Variants in DAB1 observed in about 807,000 individuals in gnomAD.
The protein encoded by DAB1 is disabled homolog 1.
In DAB1, 15 loss-of-function variants were observed where a neutral mutation model predicts 64.6. The observed-to-expected ratio is 0.23, with a 90% CI of 0.16 to 0.36. The LOEUF (loss-of-function observed/expected upper bound fraction) is 0.36, where lower values mean the gene tolerates loss of function less well. DAB1 is among the 10% of genes least tolerant of loss of function. The probability of loss-of-function intolerance (pLI) is 1.00; values close to 1 mark genes in which losing one functional copy is unlikely to be tolerated. For synonymous variants in DAB1, 235 were observed against 251.9 expected (o/e 0.93, Z 0.64); for missense variants, 596 against 706.7 (o/e 0.84, Z 1.78).
At chr1:57,456,910 C>A (rs1686616875) in intron 7 of DAB1, among the ~76,000 whole-genome samples, 1 of 152,088 alleles carries the variant, frequency 6.6e-6, no homozygotes, top group African/African-American at 2.4e-5. Context: ...CTCAGAATGC[C>A]ATTTCTAACC....
chr1:57,603,173 A>G (rs1645595956), intron 7 of DAB1, among the ~76,000 whole-genome samples: 1 of 152,044 alleles, frequency 6.6e-6, no homozygotes, highest in South Asian at 2.1e-4. Flanking sequence ...GGGTTTCTCC[A>G]TGTTGGTCAG....
chr1:57,701,087 C>G (rs919038678), intron 6 of DAB1, among the ~76,000 whole-genome samples: 1 of 151,976 alleles, frequency 6.6e-6, no homozygotes, highest in African/African-American at 2.4e-5. Context: ...GAAACAGGAA[C>G]ACTTTTACAC....
At chr1:58,426,958 G>A (rs572577828) in intron 3 of DAB1, among the ~76,000 whole-genome samples, 1 of 152,300 alleles carries the variant, frequency 6.6e-6, no homozygotes, top group South Asian at 2.1e-4. Flanking sequence ...GTTTGAGCAA[G>A]ACATTGAAAG....
intron 6 of DAB1, among the ~76,000 whole-genome samples, chr1:57,775,530 A>C (rs1289650190): frequency 6.6e-6 from 1 of 151,186 alleles, no homozygotes; most frequent in Non-Finnish European, 1.5e-5. Flanking sequence ...GACATGTTTT[A>C]GTTGGTATTT....
chr1:58,250,060 G>A lies in DAB1; in HGVS notation n.309+93292C>T, dbSNP rs541718253. 1.2e-3 allele frequency among the ~76,000 whole-genome samples: 178 copies of A among 152,264 alleles called. 3 individuals are homozygous for A. The South Asian group carries it at 0.012, about 10-fold the overall frequency. On this transcript the variant is annotated intron_variant and non_coding_transcript_variant, in intron 4 of 20. Transcript: ENST00000485760. ...TTCCCACCCAGGAGGCTCCCTCGCG[G>A]CCGCGAGAGCTCGGCGCCCGACCCA...
At chr1:57,559,125 C>A (rs1464508131) in intron 7 of DAB1, among the ~76,000 whole-genome samples, 1 of 152,168 alleles carries the variant, frequency 6.6e-6, no homozygotes, top group Non-Finnish European at 1.5e-5. Flanking sequence ...TAATGGACAG[C>A]AGAGGCAAAG....
At chr1:58,434,950 A>T (rs991292107) in intron 3 of DAB1, among the ~76,000 whole-genome samples, 17 of 152,232 alleles carry the variant, frequency 1.1e-4, no homozygotes, top group African/African-American at 3.6e-4. Flanking sequence ...CTTCCAGTGA[A>T]GGAGCCTTAG....
At position 58,265,709 on chromosome 1, in the gene DAB1, T is replaced by C. The variant is rs77898035; in HGVS notation, n.309+77643A>G. Among the ~76,000 whole-genome samples the C allele has an allele frequency of 1.8e-3, 273 of 152,360 alleles. 1 individual carries two copies. The highest frequency in any genetic ancestry group is 3.5e-3 in the Admixed American group (54 of 15,308). ...ATCTATATCTTGACAGCAATGTCCATACTACTTTGAATGGGAGAAAAAAGG... is the reference window on the plus strand; with the variant it reads ...ATCTATATCTTGACAGCAATGTCCACACTACTTTGAATGGGAGAAAAAAGG... On this transcript the variant is annotated intron_variant and non_coding_transcript_variant, in intron 4 of 20. Coordinates refer to the DAB1 transcript ENST00000485760.
intron 3 of DAB1, among the ~76,000 whole-genome samples, chr1:58,381,803 T>C (rs950025930): frequency 4.6e-5 from 7 of 152,140 alleles, no homozygotes; most frequent in African/African-American, 2.4e-5. Context: ...AGTTGGACAA[T>C]ACAAGTCTGA....
chr1:57,510,839 T>A lies in DAB1; in HGVS notation n.625+138753A>T, dbSNP rs951096162. 2.6e-5 allele frequency among the ~76,000 whole-genome samples: 4 copies of A among 152,280 alleles called. No homozygotes were observed. The South Asian group carries it at 8.3e-4, about 32-fold the overall frequency. ...TGTCACCCAGGCTAGAATGCAGTGA[T>A]GTGGTCACGGCTCACTGCATCCTCG... On this transcript the variant is annotated intron_variant and non_coding_transcript_variant, in intron 7 of 20. Coordinates refer to the DAB1 transcript ENST00000485760.
rs869204611 is a variant in DAB1 at position 58,180,281 on chromosome 1, C to CTT, written n.310-29695_310-29694dup. ...CTTTCTTTTTTCTTTTTTTTCTTTTCTTTTTTTTTTTTTTTTTTTTTTTTT... is the reference window on the plus strand; with the variant it reads ...CTTTCTTTTTTCTTTTTTTTCTTTTCTTTTTTTTTTTTTTTTTTTTTTTTTTT... On this transcript the variant is annotated intron_variant and non_coding_transcript_variant, in intron 4 of 20. Coordinates refer to the DAB1 transcript ENST00000485760. Among the ~76,000 whole-genome samples the CTT allele has an allele frequency of 4.9e-4, 30 of 61,032 alleles. 3 individuals carry two copies. The highest frequency in any genetic ancestry group is 1.7e-3 in the African/African-American group (24 of 14,088). The allele number at this position is 61,032 out of a possible 152,430, so 40.0% of individuals were successfully genotyped here.
intron 4 of DAB1, among the ~76,000 whole-genome samples, chr1:58,301,416 T>C (rs1283613537): frequency 6.6e-6 from 1 of 152,206 alleles, no homozygotes; most frequent in African/African-American, 2.4e-5. Flanking sequence ...ACGGGCCACA[T>C]GCTGCCCATA....
intron 2 of DAB1, among the ~76,000 whole-genome samples, chr1:57,158,436 TA>T (rs1282571814): frequency 6.6e-6 from 1 of 152,198 alleles, no homozygotes; most frequent in Non-Finnish European, 1.5e-5. Context: ...TCTGCATATC[TA>T]TCTGAATCAG....
chr1:57,278,142 G>A (rs527448207), intron 2 of DAB1, among the ~76,000 whole-genome samples: 174 of 152,286 alleles, frequency 1.1e-3, no homozygotes, highest in African/African-American at 4.0e-3. Context: ...ATGGTGTAGC[G>A]GAAAGAGCTT....
intron 6 of DAB1, among the ~76,000 whole-genome samples, chr1:57,663,682 A>G (rs1646413744): frequency 6.6e-6 from 1 of 152,122 alleles, no homozygotes; most frequent in East Asian, 1.9e-4. Context: ...AATAATAGGC[A>G]TATTAAGATA....
chr1:57,924,148 T>C (rs939596928), intron 5 of DAB1, among the ~76,000 whole-genome samples: 31 of 152,204 alleles, frequency 2.0e-4, no homozygotes, highest in African/African-American at 7.5e-4. Context: ...AATTCATGTA[T>C]GTATTCAGCA....
chr1:57,479,789 T>C (rs1041121848), intron 7 of DAB1, among the ~76,000 whole-genome samples: 15 of 152,172 alleles, frequency 9.9e-5, no homozygotes, highest in African/African-American at 3.1e-4. Flanking sequence ...GTCTCTAGCA[T>C]GGCAGACCCA....
rs376814393 is a variant in DAB1, at chr1:58,185,138, C to T, written n.310-34550G>A. Among the ~76,000 whole-genome samples, 471 of 152,316 alleles carry T rather than the reference C, an allele frequency of 3.1e-3. 23 individuals carry two copies. In the South Asian group the frequency reaches 0.093, roughly 30 times the overall value. On this transcript the variant is annotated intron_variant and non_coding_transcript_variant, in intron 4 of 20. Transcript: ENST00000485760. Reference sequence around the variant, plus strand: ...TAGAATAATATAAGTGAAACCACTACTAGTTTGATGAGGATTTCTACTCAA... The same window carrying T: ...TAGAATAATATAAGTGAAACCACTATTAGTTTGATGAGGATTTCTACTCAA...
rs536953616 is a variant in DAB1 at position 58,254,241 on chromosome 1, G to A, written n.309+89111C>T. ...GTAATTTTAATTACAGGCATAGCCA[G>A]AGTTGTTCAGAAACCTTGTTGCTTT... On this transcript the variant is annotated intron_variant and non_coding_transcript_variant, in intron 4 of 20. Transcript: ENST00000485760. 2.6e-5 allele frequency among the ~76,000 whole-genome samples: 4 copies of A among 152,304 alleles called. No individual in the cohort carries two copies. In the East Asian group the frequency reaches 7.7e-4, roughly 29 times the overall value.
Sources: gnomAD v4.1 joint callset for allele counts (sites outside exome capture counted in the v4.1 genomes callset) on GRCh38, gnomAD v4.1.1 for gene constraint, MANE v1.5 for transcripts, NCBI Gene and HGNC (gene_info 2026-07-23, HGNC 2026-07-21) for gene names.